Variants in MPRIP observed in about 807,000 individuals in gnomAD.
The protein encoded by MPRIP is myosin phosphatase Rho interacting protein, also known as myosin phosphatase Rho-interacting protein.
Under a neutral mutation model 234.9 loss-of-function variants are expected in MPRIP, and 59 were observed. The ratio of observed to expected loss-of-function variants is 0.25; its 90% CI spans 0.20 to 0.31. The LOEUF (loss-of-function observed/expected upper bound fraction) is 0.31. MPRIP is among the 10% of genes least tolerant of loss of function. MPRIP has a pLI of 1.00. For synonymous variants in MPRIP, 1,144 were observed against 1,263.9 expected, an observed-to-expected ratio of 0.91 and a Z score of 2.01; for missense variants, 2,436 against 3,071.0, an observed-to-expected ratio of 0.79 and a Z score of 4.89.
chr17:17,154,440 G>T, intron 13 of MPRIP, 25 bp downstream of exon 13: 1 of 1,600,940 alleles, frequency 6.2e-7, no homozygotes, highest in Non-Finnish European at 8.6e-7. Context: ...ACACCAGGGA[G>T]CCCTTTGTGC....
chr17:17,103,453 C>G (rs1023056157), intron 3 of MPRIP, among the ~76,000 whole-genome samples: 2 of 152,204 alleles, frequency 1.3e-5, no homozygotes, highest in Non-Finnish European at 2.9e-5. Context: ...CCTGGTGGAG[C>G]TTAACCAGCT....
At chr17:17,092,500 G>A (rs75328227) in intron 3 of MPRIP, among the ~76,000 whole-genome samples, 6,796 of 152,176 alleles carry the variant, frequency 0.045, 471 homozygotes, top group African/African-American at 0.14. Flanking sequence ...GAGTGGGAGT[G>A]GGGGACGGAG....
At chr17:17,079,415 A>G (rs1227298064) in intron 3 of MPRIP, among the ~76,000 whole-genome samples, 7 of 152,214 alleles carry the variant, frequency 4.6e-5, no homozygotes, top group Admixed American at 4.6e-4. Context: ...GAGCAGGGAG[A>G]CAAAGCATTT....
At chr17:17,043,867 T>C (rs1314700820) in intron 1 of MPRIP, among the ~76,000 whole-genome samples, 1 of 152,120 alleles carries the variant, frequency 6.6e-6, no homozygotes, top group African/African-American at 2.4e-5. Flanking sequence ...ACGGCCATCA[T>C]CTCCATCCTC....
intron 11 of MPRIP, among the ~76,000 whole-genome samples, chr17:17,149,442 G>A (rs2045548751): frequency 6.7e-6 from 1 of 149,482 alleles, no homozygotes; most frequent in South Asian, 2.2e-4. Context: ...GCAGTGAGCT[G>A]AAATCGTGTC....
intron 3 of MPRIP, among the ~76,000 whole-genome samples, chr17:17,109,482 G>A (rs988237549): frequency 1.3e-5 from 2 of 152,192 alleles, no homozygotes; most frequent in Admixed American, 6.5e-5. Context: ...GAACAGGCAG[G>A]CAAGGGAAGG....
At chr17:17,131,191 C>T (rs1433922932) in intron 4 of MPRIP, among the ~76,000 whole-genome samples, 5 of 152,082 alleles carry the variant, frequency 3.3e-5, no homozygotes, top group Non-Finnish European at 5.9e-5. Context: ...CTCAAGAGTA[C>T]CCATTGTGGG....
chr17:17,174,759 C>T (rs2046218099), intron 19 of MPRIP, among the ~76,000 whole-genome samples: 1 of 148,352 alleles, frequency 6.7e-6, no homozygotes, highest in Admixed American at 6.8e-5. Context: ...GGTGTGAACT[C>T]GGGAGGCGGA....
At chr17:17,092,001 C>T (rs1471538393) in intron 3 of MPRIP, among the ~76,000 whole-genome samples, 2 of 152,228 alleles carry the variant, frequency 1.3e-5, no homozygotes, top group African/African-American at 2.4e-5. Context: ...GATGCTATGG[C>T]GACCCACACT....
At chr17:17,082,986 A>C (rs1345848515) in intron 3 of MPRIP, among the ~76,000 whole-genome samples, 3 of 151,842 alleles carry the variant, frequency 2.0e-5, no homozygotes, top group Non-Finnish European at 4.4e-5. Context: ...ATGTCTGCTG[A>C]CCCCAAGCCT....
At chr17:17,067,673 TATTTC>T (rs1227524101) in intron 1 of MPRIP, among the ~76,000 whole-genome samples, 2 of 152,218 alleles carry the variant, frequency 1.3e-5, no homozygotes, top group Non-Finnish European at 2.9e-5. Context: ...CATAGTTCTT[TATTTC>T]ATTTTTAAAA....
chr17:17,180,473 C>G, intron 23 of MPRIP: 2 of 835,732 alleles, frequency 2.4e-6, no homozygotes, highest in Non-Finnish European at 4.2e-6. Flanking sequence ...CTCTTGTTCC[C>G]CAGCCAGGAA....
intron 3 of MPRIP, among the ~76,000 whole-genome samples, chr17:17,102,450 T>C (rs1051570854): frequency 1.3e-5 from 2 of 152,242 alleles, no homozygotes; most frequent in African/African-American, 4.8e-5. Flanking sequence ...GCTGTCAGGC[T>C]TTCTTCTCTG....
At position 17,160,436 on chromosome 17, in the gene MPRIP, T is replaced by G. The variant is rs543679388; in HGVS notation, c.2401-804T>G. Among the ~76,000 whole-genome samples, 3 of 152,360 alleles carry G rather than the reference T, an allele frequency of 2.0e-5. No individual in the cohort carries two copies. The South Asian group carries it at 6.2e-4, about 32-fold the overall frequency. Reference sequence around the variant, plus strand: ...AGTCTGTCAGCACCCTGGGCGGCACTGGCCTGACTGTCCACCACACACACA... The same window carrying G: ...AGTCTGTCAGCACCCTGGGCGGCACGGGCCTGACTGTCCACCACACACACA... On this transcript the variant is annotated intron_variant, in intron 14 of 23. Coordinates refer to ENST00000651222, the MANE Select transcript of MPRIP (RefSeq NM_001364716.4).
rs966617771 is a variant in MPRIP at position 17,078,583 on chromosome 17, G to A, written c.267+507G>A. ...GAGGCCTCCTGGTCACAAGGTCATCGTTCTTCTGGTCACTAAACCAGGCAG... is the reference window on the plus strand; with the variant it reads ...GAGGCCTCCTGGTCACAAGGTCATCATTCTTCTGGTCACTAAACCAGGCAG... On this transcript the variant is annotated intron_variant, in intron 3 of 23. Transcript: ENST00000651222. This position sits in a 1 kb window ranked among gnomAD's most constrained non-coding sequence, Gnocchi z 4.3. Among the ~76,000 whole-genome samples, 2 of 152,188 alleles carry A rather than the reference G, an allele frequency of 1.3e-5. No homozygotes were observed. Among genetic ancestry groups the A allele is most frequent in the Non-Finnish European group, 2.9e-5 (2 of 68,036 alleles).
intron 3 of MPRIP, among the ~76,000 whole-genome samples, chr17:17,111,808 G>A (rs1371399373): frequency 6.6e-6 from 1 of 152,076 alleles, no homozygotes; most frequent in Non-Finnish European, 1.5e-5. Context: ...TCCCTCAAGC[G>A]GGCCGCCTTC....
intron 3 of MPRIP, among the ~76,000 whole-genome samples, chr17:17,083,837 G>A (rs1018724749): frequency 1.3e-5 from 2 of 152,068 alleles, no homozygotes; most frequent in South Asian, 2.1e-4. Flanking sequence ...TCCGTCTCCC[G>A]GGTTCAAGTG....
At chr17:17,126,912 A>C (rs2090501924) in intron 4 of MPRIP, 59 bp downstream of exon 4, 6 of 1,573,454 alleles carry the variant, frequency 3.8e-6, no homozygotes, top group Non-Finnish European at 5.2e-6. Context: ...CCAACACCAG[A>C]TGGGCCGCCT....
rs1325822252 is a variant in MPRIP at position 17,167,693 on chromosome 17, C to T, written c.6102C>T (p.Thr2034=). 2 of 1,304,140 alleles carry T rather than the reference C, an allele frequency of 1.5e-6. No homozygotes were observed. The highest frequency in any genetic ancestry group is 1.0e-6 in the Non-Finnish European group (1 of 988,938). 80.8% of individuals were successfully genotyped at this position (1,304,140 alleles called of 1,614,324 possible). A position where few individuals can be genotyped will look rare whatever the true frequency, so the allele number is the denominator to read the frequency against. ...YSQSLRCLQD[T]LCLHQGPHPK... ...AGAGCCTGAGGTGCCTTCAGGACACCCTCTGCCTCCACCAGGGGCCACACC... is the reference window on the plus strand; with the variant it reads ...AGAGCCTGAGGTGCCTTCAGGACACTCTCTGCCTCCACCAGGGGCCACACC... The change falls in exon 16 of 24, where the codon ACC becomes ACT. Residue 2034 remains threonine, a synonymous_variant. Transcript: ENST00000651222. The surrounding 1 kb of genome is among the most constrained non-coding windows in gnomAD (Gnocchi z 5.9).
Sources: gnomAD v4.1 joint callset for allele counts (sites outside exome capture counted in the v4.1 genomes callset) on GRCh38, gnomAD v4.1.1 for gene constraint, Gnocchi (gnomAD v3.1) non-coding constraint, MANE v1.5 for transcripts, NCBI Gene and HGNC (gene_info 2026-07-23, HGNC 2026-07-21) for gene names.